PTK2: variants seen among roughly 807,000 people sequenced by gnomAD.
The protein encoded by PTK2 is protein tyrosine kinase 2.
In PTK2, 45 loss-of-function variants were observed where a neutral mutation model predicts 150.1. The ratio of observed to expected loss-of-function variants is 0.30; its 90% CI spans 0.24 to 0.38. The LOEUF is 0.38. Among genes scored for constraint, PTK2 ranks in the 10% least tolerant of loss-of-function variants. The pLI, the probability that PTK2 is intolerant of heterozygous loss-of-function variation, is 1.00. For synonymous variants in PTK2, 432 were observed against 449.2 expected (o/e 0.96, Z 0.48); for missense variants, 919 against 1,307.3 (o/e 0.70, Z 4.58).
chr8:140,744,566 GGGTCCAAAGAC>G, intron 19 of PTK2, 75 bp downstream of exon 22: 1 of 737,890 alleles, frequency 1.4e-6, no homozygotes, highest in South Asian at 2.8e-5. Context: ...GGATCCAAAA[GGGTCCAAAGAC>G]GGTCCAAATG....
chr8:140,742,702 T>G (rs1011858229), intron 20 of PTK2, among the ~76,000 whole-genome samples: 1 of 152,216 alleles, frequency 6.6e-6, no homozygotes, highest in African/African-American at 2.4e-5. Context: ...TCTAAGTGCA[T>G]TCTTTGTGTC....
exon 32 of PTK2, chr8:140,658,948 G>T (rs776807472): frequency 8.9e-6 from 2 of 224,598 alleles, no homozygotes; most frequent in Non-Finnish European, 1.8e-5. Context: ...TATATTCTTT[G>T]TAAAGTGGGA....
chr8:140,991,065 G>T (rs2100195538), intron 1 of PTK2, among the ~76,000 whole-genome samples: 1 of 152,178 alleles, frequency 6.6e-6, no homozygotes, highest in African/African-American at 2.4e-5. Context: ...TTCTGCATAA[G>T]ATATAACAGA....
At chr8:140,735,052 A>AT in intron 22 of PTK2, 199 bp downstream of exon 25, 1 of 603,658 alleles carries the variant, frequency 1.7e-6, no homozygotes, top group Non-Finnish European at 2.9e-6. Flanking sequence ...CTTTATTAAA[A>AT]TTTTAAAGAT....
intron 12 of PTK2, among the ~76,000 whole-genome samples, chr8:140,796,018 A>G (rs1198640126): frequency 6.6e-6 from 1 of 152,188 alleles, no homozygotes; most frequent in East Asian, 1.9e-4. Context: ...CATTTGCCAC[A>G]TATACTTCTC....
At chr8:140,879,635 G>A in exon 4 of PTK2, 2 of 1,126,238 alleles carry the variant, frequency 1.8e-6, no homozygotes, top group African/African-American at 2.1e-5. Context: ...TCTGAATGAT[G>A]CCCTAAAACA....
intron 27 of PTK2, 191 bp from the exon 31 acceptor site, chr8:140,675,690 T>C (rs376445525): frequency 3.8e-5 from 21 of 553,260 alleles, no homozygotes; most frequent in Admixed American, 9.5e-5. Flanking sequence ...ATGATGCCAA[T>C]AGCATGTGTG....
chr8:140,850,834 G>T (rs2100128864), intron 5 of PTK2, among the ~76,000 whole-genome samples: 1 of 152,212 alleles, frequency 6.6e-6, no homozygotes, highest in Non-Finnish European at 1.5e-5. Context: ...GCAATAGAAT[G>T]AATGAAGCAC....
At chr8:140,810,434 C>T (rs371972129) in intron 10 of PTK2, among the ~76,000 whole-genome samples, 29 of 152,278 alleles carry the variant, frequency 1.9e-4, no homozygotes, top group African/African-American at 6.3e-4. Context: ...CCAGCCTGAA[C>T]GAGCCTGCTT....
intron 8 of PTK2, among the ~76,000 whole-genome samples, chr8:140,826,320 T>C (rs1036853408): frequency 2.6e-5 from 4 of 152,196 alleles, no homozygotes; most frequent in African/African-American, 7.2e-5. Flanking sequence ...CCCATGAGCA[T>C]ATGTTGGTAC....
At chr8:140,669,692 A>T in intron 29 of PTK2, 35 bp downstream of exon 33, 1 of 1,529,712 alleles carries the variant, frequency 6.5e-7, no homozygotes, top group Non-Finnish European at 8.8e-7. Flanking sequence ...TGATAGAGAG[A>T]GCTGGACAGA....
chr8:140,904,591 C>A (rs922973393), intron 2 of PTK2, among the ~76,000 whole-genome samples: 1 of 152,062 alleles, frequency 6.6e-6, no homozygotes. Flanking sequence ...CTTCTTTGTA[C>A]CTCTGGTAGA....
At position 140,796,990 on chromosome 8, in the gene PTK2, A is replaced by AT. The variant is rs564563056; in HGVS notation, c.1093+3468dup. 5.3e-5 allele frequency among the ~76,000 whole-genome samples: 8 copies of AT among 152,096 alleles called. No individual in the cohort carries two copies. In the East Asian group the frequency reaches 1.5e-3, roughly 29 times the overall value. The stretch of plus-strand genomic sequence containing the variant: ...CTCCCTCATTTATTAATTTTTGCTC[A>AT]TTTTTTGCTATTATAAACACTGCAA... On this transcript the variant is annotated intron_variant, in intron 12 of 31. Coordinates refer to ENST00000522684, the Ensembl canonical transcript of PTK2.
At chr8:140,788,611 G>A (rs991831144) in intron 14 of PTK2, among the ~76,000 whole-genome samples, 1 of 152,162 alleles carries the variant, frequency 6.6e-6, no homozygotes, top group Non-Finnish European at 1.5e-5. Context: ...TTGAACCTGG[G>A]AAGCAGAGGT....
At chr8:140,962,565 G>A (rs971570898) in intron 1 of PTK2, among the ~76,000 whole-genome samples, 7 of 152,176 alleles carry the variant, frequency 4.6e-5, no homozygotes, top group Admixed American at 1.3e-4. Flanking sequence ...GTGGGAGGCC[G>A]AGGCGTGTAG....
chr8:140,951,383 T>C (rs2100179501), intron 1 of PTK2, among the ~76,000 whole-genome samples: 1 of 152,130 alleles, frequency 6.6e-6, no homozygotes, highest in Non-Finnish European at 1.5e-5. Context: ...CTCTGTGAAA[T>C]AAGGGACCTA....
At chr8:140,697,317 A>C (rs1175313623) in intron 26 of PTK2, among the ~76,000 whole-genome samples, 1 of 142,714 alleles carries the variant, frequency 7.0e-6, no homozygotes, top group Non-Finnish European at 1.5e-5. Context: ...AAAAACAAAC[A>C]AAAAAAAAAA....
intron 1 of PTK2, among the ~76,000 whole-genome samples, chr8:140,956,393 A>G (rs1293224553): frequency 6.6e-6 from 1 of 152,274 alleles, no homozygotes; most frequent in African/African-American, 2.4e-5. Flanking sequence ...GTTTTAGTGA[A>G]GCTGGGGAAA....
At chr8:140,776,730 G>A (rs1257953503) in intron 14 of PTK2, among the ~76,000 whole-genome samples, 1 of 152,152 alleles carries the variant, frequency 6.6e-6, no homozygotes, top group Non-Finnish European at 1.5e-5. Flanking sequence ...CACATGGCGA[G>A]AACATAGTGG....
Sources: gnomAD v4.1 joint callset for allele counts (sites outside exome capture counted in the v4.1 genomes callset) on GRCh38, gnomAD v4.1.1 for gene constraint, MANE v1.5 for transcripts, NCBI Gene and HGNC (gene_info 2026-07-23, HGNC 2026-07-21) for gene names.